The following MYO7A variants were observed in gnomAD, a reference collection of about 807,000 sequenced individuals.
The protein encoded by MYO7A is myosin VIIA.
Under a neutral mutation model 263.8 loss-of-function variants are expected in MYO7A, and 210 were observed. The observed-to-expected ratio is 0.80, with a 90% CI of 0.71 to 0.89. MYO7A has a LOEUF of 0.89. MYO7A is among the 40% of genes least tolerant of loss of function. The pLI, the probability that MYO7A is intolerant of heterozygous loss-of-function variation, is 0.00. For missense variants in MYO7A, 2,820 were observed against 2,968.3 expected (o/e 0.95, Z 1.16); for synonymous variants, 1,239 against 1,197.3 (o/e 1.03, Z -0.72).
chr11:77,194,257 G>A, intron 31 of MYO7A, 97 bp from the exon 32 acceptor site: 1 of 1,385,394 alleles, frequency 7.2e-7, no homozygotes. Flanking sequence ...AGCTACAGGA[G>A]GCAGGGCCAG....
intron 2 of MYO7A, among the ~76,000 whole-genome samples, chr11:77,131,540 C>A (rs1006604314): frequency 1.3e-5 from 2 of 152,236 alleles, no homozygotes; most frequent in African/African-American, 2.4e-5. Flanking sequence ...CCTGTTCAAA[C>A]GCCCATTAGA....
intron 39 of MYO7A, among the ~76,000 whole-genome samples, chr11:77,204,869 C>T (rs982491981): frequency 6.6e-6 from 1 of 152,188 alleles, no homozygotes; most frequent in Non-Finnish European, 1.5e-5. Context: ...ACATACTGTG[C>T]CCACAGCCAG....
intron 3 of MYO7A, among the ~76,000 whole-genome samples, chr11:77,144,173 C>T (rs1052395562): frequency 6.6e-6 from 1 of 152,230 alleles, no homozygotes; most frequent in African/African-American, 2.4e-5. Flanking sequence ...TCAGATTCTG[C>T]TAATCACATT....
In MYO7A at chr11:77,192,155, G is replaced by T. The variant is rs763469001; in HGVS notation, c.4029G>T (p.Arg1343Ser). 6.2e-7 allele frequency: 1 copy of T among 1,614,010 alleles called. No individual in the cohort carries two copies. Among genetic ancestry groups the T allele is most frequent in the South Asian group, 1.1e-5 (1 of 91,092 alleles). ...QGAQERNAPWRLFFRKEVFTP... is the reference protein window; with the variant it reads ...QGAQERNAPWSLFFRKEVFTP... ...CCCAGGAGCGCAACGCCCCCTGGAG[G>T]CTCTTCTTCCGCAAAGAGGTCTTCA... The change falls in exon 31 of 49, where the codon AGG becomes AGT. Residue 1343 changes from arginine (R) to serine (S), a missense_variant. Physicochemically the swap from Arg to Ser is moderately radical, Grantham distance 110 (BLOSUM62 -1). Transcript: ENST00000409709.
Position 77,190,041 on chromosome 11 carries a change from G to A in MYO7A, c.3652G>A (p.Gly1218Arg), listed in dbSNP as rs111033195. 4.5e-6 allele frequency: 7 copies of A among 1,560,924 alleles called. No individual in the cohort carries two copies. The highest frequency in any genetic ancestry group is 6.1e-6 in the Non-Finnish European group (7 of 1,153,120). The change falls in exon 29 of 49, where the codon GGG becomes AGG. Residue 1218 changes from glycine (G) to arginine (R), a missense_variant. Coordinates refer to ENST00000409709, the MANE Select transcript of MYO7A (RefSeq NM_000260.4). ...FVKYLRNFIH[G>R]GPPGYAPYCE... Reference sequence around the variant, plus strand: ...GCAGTACCTGCGGAACTTCATCCACGGGGGCCCGCCCGGCTACGCCCCGTA... The same window carrying A: ...GCAGTACCTGCGGAACTTCATCCACAGGGGCCCGCCCGGCTACGCCCCGTA...
At chr11:77,190,914 C>A (rs527775109) in intron 30 of MYO7A, 44 bp downstream of exon 30, 55 of 1,505,988 alleles carry the variant, frequency 3.7e-5, no homozygotes, top group Non-Finnish European at 4.6e-5. Flanking sequence ...CACCTCCTCC[C>A]GGCCCCACTC....
At chr11:77,157,037 C>T in intron 7 of MYO7A, 33 bp downstream of exon 7, 1 of 1,603,188 alleles carries the variant, frequency 6.2e-7, no homozygotes, top group African/African-American at 1.3e-5. Context: ...CAGGAATAGA[C>T]CCAGGCCCCT....
Position 77,179,075 on chromosome 11 carries a change from C to T in MYO7A, c.2313C>T (p.Ala771=), listed in dbSNP as rs1555082097. The T allele has an allele frequency of 6.2e-7, 1 of 1,609,276 alleles. No individual in the cohort carries two copies. Among genetic ancestry groups the T allele is most frequent in the Non-Finnish European group, 8.5e-7 (1 of 1,178,392 alleles). ...ACTTTCTGAAGCTGAAGAACGCTGCCACACTGATCCAGAGGCACTGGCGGG... is the reference window on the plus strand; with the variant it reads ...ACTTTCTGAAGCTGAAGAACGCTGCTACACTGATCCAGAGGCACTGGCGGG... ...RSNFLKLKNA[A]TLIQRHWRGH... Residue 771 remains alanine (A), a synonymous_variant, in exon 20 of 49, where the codon GCC becomes GCT. Coordinates refer to ENST00000409709, the MANE Select transcript of MYO7A (RefSeq NM_000260.4).
Position 77,160,250 on chromosome 11 carries a change from C to G in MYO7A, c.1168C>G (p.Gln390Glu), listed in dbSNP as rs1555067598. Residue 390 changes from glutamine to glutamate, a missense_variant, in exon 11 of 49, where the codon CAG becomes GAG. Coordinates refer to ENST00000409709, the MANE Select transcript of MYO7A (RefSeq NM_000260.4). ...GGTGTCCACCCCACTGAGCAGGGAA[C>G]AGGCACTGGACGTGCGCGACGCCTT... The part of the protein sequence containing the change: ...ETVSTPLSRE[Q>E]ALDVRDAFVK... The G allele has an allele frequency of 6.3e-7, 1 of 1,578,014 alleles. No homozygotes were observed. Among genetic ancestry groups the G allele is most frequent in the Non-Finnish European group, 8.6e-7 (1 of 1,162,392 alleles).
At position 77,182,042 on chromosome 11, in the gene MYO7A, A is replaced by G; in HGVS notation, c.2996A>G (p.Tyr999Cys). ...PDEDEEDLSEYKFAKFAATYF... is the reference protein window; with the variant it reads ...PDEDEEDLSECKFAKFAATYF... ...GAGGATGAGGAGGACCTCTCTGAGTATAAATTTGCCAAGTTCGCGGCCACC... is the reference window on the plus strand; with the variant it reads ...GAGGATGAGGAGGACCTCTCTGAGTGTAAATTTGCCAAGTTCGCGGCCACC... Residue 999 changes from tyrosine (Y) to cysteine (C), a missense_variant, in exon 24 of 49, where the codon TAT becomes TGT. Coordinates refer to ENST00000409709, the MANE Select transcript of MYO7A (RefSeq NM_000260.4). 1.2e-6 allele frequency: 2 copies of G among 1,613,444 alleles called. No individual in the cohort carries two copies. Among genetic ancestry groups the G allele is most frequent in the Non-Finnish European group, 1.7e-6 (2 of 1,179,808 alleles).
In MYO7A at chr11:77,190,058, C is replaced by T. The variant is rs727504631; in HGVS notation, c.3669C>T (p.Tyr1223=). 2.6e-5 allele frequency: 41 copies of T among 1,571,776 alleles called. No homozygotes were observed. The highest frequency in any genetic ancestry group is 4.7e-5 in the South Asian group (4 of 85,432). The change falls in exon 29 of 49, where the codon TAC becomes TAT. Residue 1223 remains tyrosine (Y), a synonymous_variant. Coordinates refer to ENST00000409709, the MANE Select transcript of MYO7A (RefSeq NM_000260.4). The part of the protein sequence containing the change: ...RNFIHGGPPG[Y]APYCEERLRR... Reference sequence around the variant, plus strand: ...TCATCCACGGGGGCCCGCCCGGCTACGCCCCGTACTGTGAGGAGCGCCTGA... The same window carrying T: ...TCATCCACGGGGGCCCGCCCGGCTATGCCCCGTACTGTGAGGAGCGCCTGA...
At chr11:77,204,018 C>G in intron 38 of MYO7A, 58 bp from the exon 39 acceptor site, 1 of 1,511,996 alleles carries the variant, frequency 6.6e-7, no homozygotes, top group East Asian at 2.4e-5. Flanking sequence ...GTGGGGCCTC[C>G]GGACCCCAGG....
chr11:77,159,350 C>A (rs1362185743), intron 9 of MYO7A, 97 bp from the exon 10 acceptor site: 2 of 1,141,028 alleles, frequency 1.8e-6, no homozygotes, highest in African/African-American at 1.5e-5. Context: ...GGCAGGACCC[C>A]GGCAGCAGGA....
intron 27 of MYO7A, among the ~76,000 whole-genome samples, chr11:77,187,268 C>G (rs1198989823): frequency 1.3e-5 from 2 of 152,278 alleles, no homozygotes; most frequent in South Asian, 4.2e-4. Flanking sequence ...AGAAATGGTG[C>G]TGGTAGACTT....
intron 26 of MYO7A, among the ~76,000 whole-genome samples, chr11:77,184,226 G>T (rs1272565622): frequency 1.3e-5 from 2 of 151,992 alleles, no homozygotes; most frequent in Non-Finnish European, 2.9e-5. Flanking sequence ...CAGTTATGTT[G>T]GCGGGGGCAC....
At chr11:77,173,035 C>T in intron 16 of MYO7A, 150 bp downstream of exon 16, 1 of 1,228,950 alleles carries the variant, frequency 8.1e-7, no homozygotes, top group Non-Finnish European at 1.1e-6. Flanking sequence ...AACAAGGCCC[C>T]CTATTTATTG....
In MYO7A at chr11:77,179,929, G is replaced by C. The variant is rs1311468075; in HGVS notation, c.2562G>C (p.Arg854Ser). 4 of 1,531,240 alleles carry C rather than the reference G, an allele frequency of 2.6e-6. No homozygotes were observed. The African/African-American group carries it at 5.5e-5, about 21-fold the overall frequency. 94.9% of individuals were successfully genotyped at this position (1,531,240 alleles called of 1,614,324 possible). A position where few individuals can be genotyped will look rare whatever the true frequency, so the allele number is the denominator to read the frequency against. Residue 854 changes from arginine to serine, a missense_variant, in exon 21 of 49, where the codon AGG (arginine) becomes AGC (serine). Coordinates refer to ENST00000409709, the MANE Select transcript of MYO7A (RefSeq NM_000260.4). Reference sequence around the variant, plus strand: ...ATGCCCGGGGCATGATCGCCCGCAGGCTGCACCAACGCCTCAGGGCTGAGG... The same window carrying C: ...ATGCCCGGGGCATGATCGCCCGCAGCCTGCACCAACGCCTCAGGGCTGAGG... ...QAYARGMIAR[R>S]LHQRLRAEYL...
chr11:77,183,951 G>A (rs1400090280), intron 26 of MYO7A, among the ~76,000 whole-genome samples: 3 of 152,106 alleles, frequency 2.0e-5, no homozygotes, highest in Non-Finnish European at 2.9e-5. Context: ...TGCCCACTCC[G>A]TGGGGTCCTG....
At position 77,192,241 on chromosome 11, in the gene MYO7A, T is replaced by G. The variant is rs869312181; in HGVS notation, c.4115T>G (p.Val1372Gly). Residue 1372 changes from valine to glycine, a missense_variant, in exon 31 of 49, where the codon GTG becomes GGG. Transcript: ENST00000409709. ...ACCAACCTCATCTACCAGCAGGTGGTGCGAGGAGTCAAGTTTGGGGAGTAC... is the reference window on the plus strand; with the variant it reads ...ACCAACCTCATCTACCAGCAGGTGGGGCGAGGAGTCAAGTTTGGGGAGTAC... Reference protein sequence around the residue: ...VATNLIYQQVVRGVKFGEYRC... With the variant: ...VATNLIYQQVGRGVKFGEYRC... The G allele has an allele frequency of 6.2e-7, 1 of 1,614,004 alleles. No individual in the cohort carries two copies. Among genetic ancestry groups the G allele is most frequent in the African/African-American group, 1.3e-5 (1 of 75,054 alleles).
Sources: allele counts gnomAD v4.1 joint callset (sites outside exome capture counted in the v4.1 genomes callset), GRCh38; gene constraint gnomAD v4.1.1; transcripts MANE v1.5; gene names NCBI Gene and HGNC (gene_info 2026-07-23, HGNC 2026-07-21).